The following XKR9 variants were observed in gnomAD, a reference collection of about 807,000 sequenced individuals.
The protein encoded by XKR9 is XK related 9.
Under a neutral mutation model 32.0 loss-of-function variants are expected in XKR9, and 32 were observed. The observed-to-expected ratio is 1.00, with a 90% confidence interval of 0.76 to 1.34. The LOEUF (loss-of-function observed/expected upper bound fraction) is 1.34, where lower values mean the gene tolerates loss of function less well. Ranked by LOEUF, XKR9 falls within the 40% of genes most tolerant of loss-of-function variation. The probability of loss-of-function intolerance (pLI) is 0.00; values close to 1 mark genes in which losing one functional copy is unlikely to be tolerated. For missense variants in XKR9, 546 were observed against 429.7 expected (o/e 1.27, Z -2.39); for synonymous variants, 168 against 143.4 (o/e 1.17, Z -1.22).
intron 2 of XKR9, among the ~76,000 whole-genome samples, chr8:70,763,541 T>C (rs1404293735): frequency 6.6e-6 from 1 of 152,208 alleles, no homozygotes; most frequent in African/African-American, 2.4e-5. Flanking sequence ...ATGTAATTCT[T>C]CTATTTATAA....
the XKR9 span, among the ~76,000 whole-genome samples, chr8:70,978,232 A>G: frequency 6.6e-6 from 1 of 152,120 alleles, no homozygotes. Context: ...TAGCCCATTT[A>G]CATTTAAGGT....
chr8:70,868,774 A>AT, the XKR9 span, among the ~76,000 whole-genome samples: 1 of 151,916 alleles, frequency 6.6e-6, no homozygotes, highest in Non-Finnish European at 1.5e-5. Context: ...ATAAAATGGG[A>AT]TTTTCTCTTC....
the XKR9 span, among the ~76,000 whole-genome samples, chr8:70,887,215 C>G: frequency 6.6e-6 from 1 of 152,052 alleles, no homozygotes; most frequent in South Asian, 2.1e-4. Flanking sequence ...TCAGATTTGT[C>G]AAAGATCAGA....
the XKR9 span, among the ~76,000 whole-genome samples, chr8:70,936,051 A>G: frequency 2.0e-5 from 3 of 151,988 alleles, no homozygotes; most frequent in African/African-American, 7.2e-5. Flanking sequence ...TGGATAAGAA[A>G]CTGAAATGAG....
At chr8:70,910,318 A>C in the XKR9 span, among the ~76,000 whole-genome samples, 6 of 152,266 alleles carry the variant, frequency 3.9e-5, no homozygotes, top group African/African-American at 1.4e-4. Context: ...TGTTGTGGAC[A>C]CTGCAAGCAC....
the XKR9 span, among the ~76,000 whole-genome samples, chr8:70,805,306 G>T: frequency 6.6e-6 from 1 of 152,196 alleles, no homozygotes; most frequent in Non-Finnish European, 1.5e-5. Flanking sequence ...GTGTACCCAC[G>T]CCACTGGCGC....
intron 2 of XKR9, among the ~76,000 whole-genome samples, chr8:70,746,548 T>G (rs1807062282): frequency 6.6e-6 from 1 of 151,158 alleles, no homozygotes. Flanking sequence ...TTAGATATAT[T>G]GCTTTGATGG....
At chr8:70,838,794 A>G in the XKR9 span, among the ~76,000 whole-genome samples, 1 of 152,022 alleles carries the variant, frequency 6.6e-6, no homozygotes, top group Non-Finnish European at 1.5e-5. Context: ...CACCGTGTTC[A>G]TTGCTTTGTG....
chr8:70,773,401 G>C (rs142868420), intron 2 of XKR9, among the ~76,000 whole-genome samples: 9 of 152,304 alleles, frequency 5.9e-5, no homozygotes, highest in African/African-American at 2.2e-4. Flanking sequence ...CATGGTCATA[G>C]AGCATAGAGC....
At chr8:70,807,909 G>GTA in the XKR9 span, among the ~76,000 whole-genome samples, 1 of 152,072 alleles carries the variant, frequency 6.6e-6, no homozygotes, top group Admixed American at 6.5e-5. Flanking sequence ...TGGATCAAGT[G>GTA]GATCTAATAG....
At chr8:70,722,613 G>A (rs925012201) in intron 4 of XKR9, among the ~76,000 whole-genome samples, 4 of 152,138 alleles carry the variant, frequency 2.6e-5, no homozygotes, top group Non-Finnish European at 4.4e-5. Context: ...TTAAAATGTT[G>A]AATATTGGCT....
chr8:70,782,772 T>C (rs540602209), intron 2 of XKR9, among the ~76,000 whole-genome samples: 1 of 152,334 alleles, frequency 6.6e-6, no homozygotes, highest in South Asian at 2.1e-4. Flanking sequence ...TTTAAAAGAC[T>C]GAATAGTATC....
chr8:70,828,508 G>A, the XKR9 span, among the ~76,000 whole-genome samples: 1 of 151,884 alleles, frequency 6.6e-6, no homozygotes, highest in Non-Finnish European at 1.5e-5. Context: ...GGCGGATCAC[G>A]AGGTCAGGAG....
intron 3 of XKR9, 104 bp from the exon 4 acceptor site, chr8:70,706,827 CTG>C: frequency 3.2e-6 from 3 of 945,528 alleles, no homozygotes; most frequent in South Asian, 3.7e-5. Flanking sequence ...TGTGGAAAAA[CTG>C]TGTACTTAAA....
chr8:70,910,754 A>G, the XKR9 span, among the ~76,000 whole-genome samples: 1 of 152,214 alleles, frequency 6.6e-6, no homozygotes, highest in East Asian at 1.9e-4. Context: ...AGAGTCTCAC[A>G]AGGCTAAAAT....
chr8:71,040,973 T>TA, the XKR9 span, among the ~76,000 whole-genome samples: 59 of 152,300 alleles, frequency 3.9e-4, 2 homozygotes, highest in East Asian at 0.011. Context: ...AATCTCTTGA[T>TA]ACATGTCAAC....
the XKR9 span, among the ~76,000 whole-genome samples, chr8:70,867,532 A>G: frequency 6.6e-6 from 1 of 152,072 alleles, no homozygotes; most frequent in Admixed American, 6.5e-5. Flanking sequence ...GCTCACTGCA[A>G]CCTCTGCCTC....
chr8:70,736,842 C>T (rs1193268067), downstream of XKR9, among the ~76,000 whole-genome samples: 4 of 151,274 alleles, frequency 2.6e-5, no homozygotes, highest in African/African-American at 9.7e-5. Context: ...TGTTTTGGTA[C>T]CAGTACCATG....
intron 4 of XKR9, among the ~76,000 whole-genome samples, chr8:70,718,285 C>A (rs1160773350): frequency 1.3e-5 from 2 of 150,536 alleles, no homozygotes; most frequent in Non-Finnish European, 3.0e-5. Context: ...TTTTATTAAT[C>A]TATTTATTTA....
Sources: allele counts gnomAD v4.1 joint callset (sites outside exome capture counted in the v4.1 genomes callset), GRCh38; gene constraint gnomAD v4.1.1; transcripts MANE v1.5; gene names NCBI Gene and HGNC (gene_info 2026-07-23, HGNC 2026-07-21).